LPGAT1: variants seen among roughly 807,000 people sequenced by gnomAD.
LPGAT1 encodes the protein acyl-CoA:lysophosphatidylglycerol acyltransferase 1.
In LPGAT1, 11 loss-of-function variants were observed where a neutral mutation model predicts 47.5. The ratio of observed to expected loss-of-function variants is 0.23; its 90% CI spans 0.15 to 0.38. The LOEUF is 0.38. LPGAT1 is among the 10% of genes least tolerant of loss of function. The pLI is 1.00. For missense variants in LPGAT1, 293 were observed against 439.0 expected (o/e 0.67, Z 2.97); for synonymous variants, 138 against 144.2 (o/e 0.96, Z 0.31).
intron 2 of LPGAT1, among the ~76,000 whole-genome samples, chr1:211,800,511 T>C (rs960826677): frequency 1.1e-4 from 17 of 152,094 alleles, no homozygotes; most frequent in African/African-American, 4.1e-4. Context: ...AGCAGGAAAA[T>C]CAAAGATAAT....
chr1:211,810,399 A>C (rs1659946184), intron 2 of LPGAT1, among the ~76,000 whole-genome samples: 1 of 152,216 alleles, frequency 6.6e-6, no homozygotes, highest in South Asian at 2.1e-4. Flanking sequence ...AATAGTATAC[A>C]CAATTTGCCT....
chr1:211,768,060 C>CA (rs1171835536), intron 6 of LPGAT1, among the ~76,000 whole-genome samples: 1 of 151,728 alleles, frequency 6.6e-6, no homozygotes, highest in African/African-American at 2.4e-5. Flanking sequence ...ACTTTTATGT[C>CA]AAAAAAGAAT....
At chr1:211,793,834 C>A (rs1659240898) in intron 2 of LPGAT1, among the ~76,000 whole-genome samples, 1 of 152,144 alleles carries the variant, frequency 6.6e-6, no homozygotes, top group Non-Finnish European at 1.5e-5. Flanking sequence ...TTTATCACAA[C>A]TTAAATGTTC....
At chr1:211,752,608 G>A (rs1325110193) in intron 6 of LPGAT1, among the ~76,000 whole-genome samples, 2 of 152,170 alleles carry the variant, frequency 1.3e-5, no homozygotes, top group African/African-American at 4.8e-5. Context: ...CCCCACGACA[G>A]TTACACCTTC....
At chr1:211,796,331 TAAG>T in intron 2 of LPGAT1, among the ~76,000 whole-genome samples, 1 of 152,052 alleles carries the variant, frequency 6.6e-6, no homozygotes, top group African/African-American at 2.4e-5. Context: ...CTAAATCCAA[TAAG>T]ACTGGAGTCC....
intron 6 of LPGAT1, among the ~76,000 whole-genome samples, chr1:211,759,384 C>A (rs1037148101): frequency 3.9e-5 from 6 of 152,122 alleles, no homozygotes; most frequent in Non-Finnish European, 1.5e-5. Flanking sequence ...CCATACCCAG[C>A]TCCTCTTTTT....
chr1:211,755,527 C>A, intron 6 of LPGAT1, among the ~76,000 whole-genome samples: 2 of 149,612 alleles, frequency 1.3e-5, no homozygotes. Flanking sequence ...ATTTTAAAAC[C>A]CAAATTTAAG....
chr1:211,791,738 C>A (rs1659119891), intron 3 of LPGAT1, among the ~76,000 whole-genome samples: 1 of 132,152 alleles, frequency 7.6e-6, no homozygotes, highest in Non-Finnish European at 1.7e-5. Context: ...CAGTGCAAGA[C>A]TCCATCTCAA....
chr1:211,763,535 T>G (rs1467135078), intron 6 of LPGAT1, among the ~76,000 whole-genome samples: 8 of 152,206 alleles, frequency 5.3e-5, no homozygotes, highest in East Asian at 1.9e-4. Flanking sequence ...TCTCAGATAT[T>G]TTATTACAGC....
At chr1:211,764,664 G>A (rs1008151816) in intron 6 of LPGAT1, among the ~76,000 whole-genome samples, 1 of 152,090 alleles carries the variant, frequency 6.6e-6, no homozygotes. Context: ...GGAACTATTA[G>A]AACAGTTTAA....
chr1:211,759,668 T>C (rs1000128492), intron 6 of LPGAT1, among the ~76,000 whole-genome samples: 1 of 152,248 alleles, frequency 6.6e-6, no homozygotes, highest in African/African-American at 2.4e-5. Flanking sequence ...ATCCTTCCTA[T>C]GCATAGATTA....
chr1:211,770,348 A>T (rs1558260567), intron 6 of LPGAT1, among the ~76,000 whole-genome samples: 1 of 152,174 alleles, frequency 6.6e-6, no homozygotes. Flanking sequence ...TGAGTAAAAA[A>T]TAGTATTTTG....
At chr1:211,756,585 C>T (rs1249213580) in intron 6 of LPGAT1, among the ~76,000 whole-genome samples, 8 of 152,080 alleles carry the variant, frequency 5.3e-5, no homozygotes, top group African/African-American at 1.2e-4. Context: ...ACACCCTCTT[C>T]GGTCTCCCAA....
intron 2 of LPGAT1, among the ~76,000 whole-genome samples, chr1:211,809,134 G>A (rs143771564): frequency 2.3e-3 from 347 of 152,052 alleles, no homozygotes; most frequent in African/African-American, 8.2e-3. Context: ...CAACCTGGGA[G>A]GTGCAGCTTG....
chr1:211,783,545 A>G, intron 4 of LPGAT1, 43 bp from the exon 5 acceptor site: 2 of 1,503,906 alleles, frequency 1.3e-6, no homozygotes, highest in Non-Finnish European at 1.8e-6. Context: ...GTATATCCAA[A>G]ATTAAAATGC....
chr1:211,811,088 C>T (rs1049448586), intron 2 of LPGAT1, among the ~76,000 whole-genome samples: 16 of 152,086 alleles, frequency 1.1e-4, no homozygotes, highest in Admixed American at 6.6e-4. Context: ...AAACACAGAC[C>T]CAGGCTACCA....
intron 3 of LPGAT1, among the ~76,000 whole-genome samples, chr1:211,788,905 A>G (rs1209694214): frequency 6.6e-6 from 1 of 152,192 alleles, no homozygotes; most frequent in African/African-American, 2.4e-5. Flanking sequence ...ACATATGGAA[A>G]AAACTAAAAC....
At chr1:211,778,361 A>AC (rs1658500125) in intron 6 of LPGAT1, among the ~76,000 whole-genome samples, 4 of 151,092 alleles carry the variant, frequency 2.6e-5, no homozygotes, top group Non-Finnish European at 4.4e-5. Context: ...AAAAAAAAAA[A>AC]AAAAAAAAAA....
At chr1:211,826,907 G>A (rs569974054) in intron 2 of LPGAT1, among the ~76,000 whole-genome samples, 1 of 152,128 alleles carries the variant, frequency 6.6e-6, no homozygotes, top group South Asian at 2.1e-4. Context: ...CCCTCCTATT[G>A]ATGTAAAGGG....
Sources: allele counts gnomAD v4.1 joint callset (sites outside exome capture counted in the v4.1 genomes callset), GRCh38; gene constraint gnomAD v4.1.1; transcripts MANE v1.5; gene names NCBI Gene and HGNC (gene_info 2026-07-23, HGNC 2026-07-21).